The following IL10RA variants were observed in gnomAD, a reference collection of about 807,000 sequenced individuals.
IL10RA encodes the protein interleukin 10 receptor subunit alpha.
A neutral mutation model predicts 29.6 loss-of-function variants in IL10RA; 18 were observed. The ratio of observed to expected loss-of-function variants is 0.61; its 90% CI spans 0.42 to 0.90. The LOEUF (loss-of-function observed/expected upper bound fraction) is 0.90. Among genes scored for constraint, IL10RA ranks in the 40% least tolerant of loss-of-function variants. The pLI is 0.00. For missense variants in IL10RA, 634 were observed against 716.6 expected (o/e 0.88, Z 1.32); for synonymous variants, 292 against 294.1 (o/e 0.99, Z 0.07).
At chr11:118,001,709 C>T, downstream of IL10RA, 1 of 279,046 alleles carries the variant, frequency 3.6e-6, no homozygotes, top group Non-Finnish European at 7.0e-6. Context: ...CCACCTGTCA[C>T]GTGGAGTTGA....
At chr11:117,992,588 A>G (rs2058030479) in intron 3 of IL10RA, among the ~76,000 whole-genome samples, 1 of 152,176 alleles carries the variant, frequency 6.6e-6, no homozygotes. Flanking sequence ...TATATTTTGG[A>G]TATGAACCCC....
Position 117,993,224 on chromosome 11 carries a change from A to AC in IL10RA, c.368-13dup. ...CTCAAGTCTCATGGTATTCCCCCCC[A>AC]CCCCAACTCCATTTAGTGACTCTGA... On this transcript the variant is annotated splice_polypyrimidine_tract_variant and intron_variant, in intron 3 of 6. Transcript: ENST00000227752. The AC allele has an allele frequency of 6.2e-7, 1 of 1,611,006 alleles. No homozygotes were observed. Among genetic ancestry groups the AC allele is most frequent in the Non-Finnish European group, 8.5e-7 (1 of 1,177,922 alleles).
Position 117,993,424 on chromosome 11 carries a change from C to G in IL10RA, c.537+14C>G. 6.2e-7 allele frequency: 1 copy of G among 1,612,500 alleles called. No individual in the cohort carries two copies. Among genetic ancestry groups the G allele is most frequent in the Non-Finnish European group, 8.5e-7 (1 of 1,178,638 alleles). ...GGAAACTTCACGGTATGGGGTTCCC[C>G]AAGGCCCCAGGGCCAGAACTCCCTT... On this transcript the variant is annotated intron_variant, in intron 4 of 6. Coordinates refer to ENST00000227752, the MANE Select transcript of IL10RA (RefSeq NM_001558.4).
chr11:117,993,947 C>A, intron 4 of IL10RA, 52 bp from the exon 5 acceptor site: 1 of 1,532,262 alleles, frequency 6.5e-7, no homozygotes, highest in Non-Finnish European at 9.0e-7. Flanking sequence ...TCTCAGTGTC[C>A]GTGTGCCATG....
At position 118,000,394 on chromosome 11, in the gene IL10RA, A is replaced by C; in HGVS notation, c.*753A>C. 1 of 454,164 alleles carries C rather than the reference A, an allele frequency of 2.2e-6. No individual in the cohort carries two copies. Among genetic ancestry groups the C allele is most frequent in the Non-Finnish European group, 4.4e-6 (1 of 226,786 alleles). The allele number at this position is 454,164 out of a possible 1,614,324, so 28.1% of individuals were successfully genotyped here. The stretch of plus-strand genomic sequence containing the variant: ...AAATGGAGTAGCATCCCCCTGGGGC[A>C]CTTGCTGAGGCCAAGCCACTCACAT... On this transcript the variant is annotated 3_prime_UTR_variant, in exon 7 of 7. Transcript: ENST00000227752.
rs141256167 is a variant in IL10RA at position 117,995,623 on chromosome 11, C to T, written c.723C>T (p.Ala241=). Reference sequence around the variant, plus strand: ...TGACCAACGTCATCATCTTCTTTGCCTTTGTCCTGCTGCTCTCCGGAGCCC... The same window carrying T: ...TGACCAACGTCATCATCTTCTTTGCTTTTGTCCTGCTGCTCTCCGGAGCCC... ...FTVTNVIIFF[A]FVLLLSGALA... Residue 241 remains alanine, a synonymous_variant, in exon 6 of 7, where the codon GCC becomes GCT. Coordinates refer to ENST00000227752, the MANE Select transcript of IL10RA (RefSeq NM_001558.4). 1.2e-4 allele frequency: 191 copies of T among 1,614,174 alleles called. No homozygotes were observed. The highest frequency in any genetic ancestry group is 1.6e-4 in the Middle Eastern group (1 of 6,062).
intron 3 of IL10RA, among the ~76,000 whole-genome samples, chr11:117,990,805 T>C (rs192368484): frequency 1.3e-5 from 2 of 152,216 alleles, no homozygotes; most frequent in African/African-American, 4.8e-5. Context: ...AAAACAACAT[T>C]TAAAAAGAAA....
In IL10RA at chr11:117,998,900, G is replaced by T; in HGVS notation, c.996G>T (p.Glu332Asp). 2 of 1,614,206 alleles carry T rather than the reference G, an allele frequency of 1.2e-6. No individual in the cohort carries two copies. The highest frequency in any genetic ancestry group is 1.7e-6 in the Non-Finnish European group (2 of 1,180,020). Residue 332 changes from glutamate (E) to aspartate (D), a missense_variant, in exon 7 of 7, where the codon GAG becomes GAT. Physicochemically the swap from Glu to Asp is conservative, Grantham distance 45. Coordinates refer to ENST00000227752, the MANE Select transcript of IL10RA (RefSeq NM_001558.4). The part of the protein sequence containing the change: ...GSTKPSLQTE[E>D]PQFLLPDPHP... ...CCAAGCCATCCCTGCAGACTGAAGA[G>T]CCCCAGTTCCTCCTCCCTGACCCTC...
rs1257935599 is a variant in IL10RA at position 118,000,173 on chromosome 11, A to T, written c.*532A>T. On this transcript the variant is annotated 3_prime_UTR_variant, in exon 7 of 7. Coordinates refer to ENST00000227752, the MANE Select transcript of IL10RA (RefSeq NM_001558.4). ...ATGGTCACATGGGGAACCTCCCCTC[A>T]TCGGGCCTCTGGGGCAGGAAGCTTG... 2.2e-6 allele frequency: 1 copy of T among 453,498 alleles called. No homozygotes were observed. Among genetic ancestry groups the T allele is most frequent in the Non-Finnish European group, 4.4e-6 (1 of 226,684 alleles). 28.1% of individuals were successfully genotyped at this position (453,498 alleles called of 1,614,324 possible).
rs1326680286 is a variant in IL10RA at position 117,989,056 on chromosome 11, C to T, written c.189-386C>T. On this transcript the variant is annotated intron_variant, in intron 2 of 6. Coordinates refer to ENST00000227752, the MANE Select transcript of IL10RA (RefSeq NM_001558.4). This position sits in a 1 kb window ranked among gnomAD's most constrained non-coding sequence, Gnocchi z 4.5. ...GATTACTGGCGTGAGCCACCACCTC[C>T]GGCCTCCAAGGCTTTTCTATCTTAC... is the stretch of plus-strand genomic sequence containing the variant. 2.6e-5 allele frequency among the ~76,000 whole-genome samples: 4 copies of T among 152,242 alleles called. No individual in the cohort carries two copies. Among genetic ancestry groups the T allele is most frequent in the Admixed American group, 6.5e-5 (1 of 15,278 alleles).
Position 118,000,413 on chromosome 11 carries a change from C to T in IL10RA, c.*772C>T, listed in dbSNP as rs2058088310. The T allele has an allele frequency of 2.2e-6, 1 of 454,180 alleles. No homozygotes were observed. Among genetic ancestry groups the T allele is most frequent in the Non-Finnish European group, 4.4e-6 (1 of 226,806 alleles). The allele number at this position is 454,180 out of a possible 1,614,324, so 28.1% of individuals were successfully genotyped here. A position where few individuals can be genotyped will look rare whatever the true frequency, so the allele number is the denominator to read the frequency against. On this transcript the variant is annotated 3_prime_UTR_variant, in exon 7 of 7. Coordinates refer to ENST00000227752, the MANE Select transcript of IL10RA (RefSeq NM_001558.4). ...TGGGGCACTTGCTGAGGCCAAGCCA[C>T]TCACATCCTCACTTTGCTGCCCCAC...
chr11:117,999,306 C>T lies in IL10RA; in HGVS notation c.1402C>T (p.Pro468Ser). ...TKTGCLEEES[P>S]LTDGLGPKFG... ...GACAGGCTGCCTGGAGGAAGAATCG[C>T]CCTTGACAGATGGCCTTGGCCCCAA... The change falls in exon 7 of 7, where the codon CCC becomes TCC. Residue 468 changes from proline (P) to serine (S), a missense_variant. Pro to Ser is a moderately conservative substitution (Grantham distance 74). Transcript: ENST00000227752. The T allele has an allele frequency of 1.2e-6, 2 of 1,614,228 alleles. No individual in the cohort carries two copies. The highest frequency in any genetic ancestry group is 1.7e-6 in the Non-Finnish European group (2 of 1,180,044).
intron 3 of IL10RA, 33 bp from the exon 4 acceptor site, chr11:117,993,208 C>T (rs944916341): frequency 6.2e-7 from 1 of 1,608,102 alleles, no homozygotes; most frequent in Non-Finnish European, 8.5e-7. Flanking sequence ...CCTCAAGTCT[C>T]ATGGTATTCC....
intron 4 of IL10RA, among the ~76,000 whole-genome samples, 164 bp from the exon 5 acceptor site, chr11:117,993,835 A>G (rs2058039714): frequency 1.3e-5 from 2 of 152,224 alleles, no homozygotes; most frequent in South Asian, 2.1e-4. Context: ...AATTGTGGTC[A>G]TTACAGAGAT....
At position 118,001,069 on chromosome 11, in the gene IL10RA, G is replaced by T. The variant is rs1480644076; in HGVS notation, c.*1428G>T. 1.3e-5 allele frequency: 6 copies of T among 454,138 alleles called. No individual in the cohort carries two copies. The highest frequency in any genetic ancestry group is 1.0e-4 in the African/African-American group (5 of 50,014). The allele number at this position is 454,138 out of a possible 1,614,324, so 28.1% of individuals were successfully genotyped here. A position where few individuals can be genotyped will look rare whatever the true frequency, so the allele number is the denominator to read the frequency against. ...CAGATATTCTGGCCCAGGGAATCCA[G>T]CCATGACCCCCACCCCTCTGCCAAA... On this transcript the variant is annotated 3_prime_UTR_variant, in exon 7 of 7. Coordinates refer to ENST00000227752, the MANE Select transcript of IL10RA (RefSeq NM_001558.4).
At chr11:117,998,617 C>A in intron 6 of IL10RA, 98 bp from the exon 7 acceptor site, 2 of 961,784 alleles carry the variant, frequency 2.1e-6, no homozygotes, top group Non-Finnish European at 3.3e-6. Flanking sequence ...TAGTCTCCTC[C>A]ATCGAGCTCT....
Position 117,994,027 on chromosome 11 carries a change from A to G in IL10RA, c.566A>G (p.Asn189Ser). 6.2e-7 allele frequency: 1 copy of G among 1,614,142 alleles called. No homozygotes were observed. The highest frequency in any genetic ancestry group is 8.5e-7 in the Non-Finnish European group (1 of 1,179,962). Residue 189 changes from asparagine to serine, a missense_variant, in exon 5 of 7, where the codon AAC becomes AGC. By Grantham distance (46) the Asn-to-Ser change is conservative. Transcript: ENST00000227752. ...ACACACAAGAAAGTAAAACATGAAA[A>G]CTTCAGCCTCCTAACCTCTGGAGAA... ...TFTHKKVKHE[N>S]FSLLTSGEVG...
At position 117,994,072 on chromosome 11, in the gene IL10RA, A is replaced by G; in HGVS notation, c.611A>G (p.Gln204Arg). The change falls in exon 5 of 7, where the codon CAG (glutamine) becomes CGG (arginine). Residue 204 changes from glutamine (Q) to arginine (R), a missense_variant. Coordinates refer to ENST00000227752, the MANE Select transcript of IL10RA (RefSeq NM_001558.4). ...GGAGAAGTGGGAGAGTTCTGTGTCC[A>G]GGTGAAACCATCTGTCGCTTCCCGA... Reference protein sequence around the residue: ...TSGEVGEFCVQVKPSVASRSN... With the variant: ...TSGEVGEFCVRVKPSVASRSN... The G allele has an allele frequency of 6.2e-7, 1 of 1,614,110 alleles. No individual in the cohort carries two copies. The highest frequency in any genetic ancestry group is 8.5e-7 in the Non-Finnish European group (1 of 1,179,916).
At position 117,986,476 on chromosome 11, in the gene IL10RA, G is replaced by C; in HGVS notation, c.9G>C (p.Pro3=). The C allele has an allele frequency of 1.3e-6, 2 of 1,554,940 alleles. No individual in the cohort carries two copies. Among genetic ancestry groups the C allele is most frequent in the Non-Finnish European group, 1.7e-6 (2 of 1,149,396 alleles). Residue 3 remains proline (P), a synonymous_variant, in exon 1 of 7, where the codon CCG becomes CCC. Transcript: ENST00000227752. ML[P]CLVVLLAALL... ...GATGCGGCGCGCCCAGGATGCTGCC[G>C]TGCCTCGTAGTGCTGCTGGCGGCGC...
Sources: allele counts gnomAD v4.1 joint callset (sites outside exome capture counted in the v4.1 genomes callset), GRCh38; gene constraint gnomAD v4.1.1; non-coding constraint Gnocchi (gnomAD v3.1); transcripts MANE v1.5; gene names NCBI Gene and HGNC (gene_info 2026-07-23, HGNC 2026-07-21).